AKR1C8: variants seen among roughly 807,000 people sequenced by gnomAD.
AKR1C8 encodes the protein aldo-keto reductase family 1 member C8, also known as aldo-keto reductase family 1 member C-like protein 1.
the AKR1C8 span, among the ~76,000 whole-genome samples, chr10:5,183,484 C>T: frequency 6.6e-6 from 1 of 152,140 alleles, no homozygotes; most frequent in African/African-American, 2.4e-5. Context: ...ATTATTTCTT[C>T]TCACATAAAA....
chr10:5,162,740 C>A, the AKR1C8 span: 10 of 369,558 alleles, frequency 2.7e-5, no homozygotes, highest in Non-Finnish European at 3.9e-5. Flanking sequence ...TATAATATGC[C>A]TTCATAATAT....
chr10:5,140,536 C>A, the AKR1C8 span, among the ~76,000 whole-genome samples: 1,983 of 151,898 alleles, frequency 0.013, 51 homozygotes, highest in African/African-American at 0.046. Flanking sequence ...TCTGAGCAAA[C>A]AATCTCAAGG....
chr10:5,115,865 G>T, the AKR1C8 span, among the ~76,000 whole-genome samples: 1 of 152,038 alleles, frequency 6.6e-6, no homozygotes, highest in African/African-American at 2.4e-5. Context: ...TTTAACAAAA[G>T]GAGGAAATAC....
At chr10:5,162,923 ACCT>A in the AKR1C8 span, 2 of 534,608 alleles carry the variant, frequency 3.7e-6, no homozygotes, top group South Asian at 1.4e-5. Flanking sequence ...GGCCTGTCCA[ACCT>A]CCTCCTCATT....
At chr10:5,184,141 G>T in the AKR1C8 span, among the ~76,000 whole-genome samples, 1 of 152,124 alleles carries the variant, frequency 6.6e-6, no homozygotes, top group Admixed American at 6.5e-5. Context: ...CCCAGACCAA[G>T]GTCCCAGGAC....
the AKR1C8 span, among the ~76,000 whole-genome samples, chr10:5,151,557 GTTTT>G: frequency 2.3e-5 from 3 of 132,660 alleles, no homozygotes; most frequent in South Asian, 2.4e-4. Context: ...TTCCCTTTGG[GTTTT>G]TTTTTTTTTT....
chr10:5,154,134 T>C, the AKR1C8 span: 1 of 469,660 alleles, frequency 2.1e-6, no homozygotes, highest in African/African-American at 2.0e-5. Context: ...GTTCAATAGC[T>C]CATGGTCAAT....
the AKR1C8 span, among the ~76,000 whole-genome samples, chr10:5,143,045 G>C: frequency 6.6e-6 from 1 of 152,078 alleles, no homozygotes; most frequent in African/African-American, 2.4e-5. Context: ...GTGCCAACTG[G>C]ATTGGATTAA....
the AKR1C8 span, among the ~76,000 whole-genome samples, chr10:5,183,843 A>G: frequency 8.2e-4 from 125 of 152,152 alleles, 1 homozygote; most frequent in Admixed American, 8.1e-3. Context: ...CAACATCAAA[A>G]TGCCTTTGTC....
the AKR1C8 span, among the ~76,000 whole-genome samples, chr10:5,183,379 C>G: frequency 6.6e-6 from 1 of 152,072 alleles, no homozygotes; most frequent in African/African-American, 2.4e-5. Flanking sequence ...ATAACTATAA[C>G]TACCAATTAT....
the AKR1C8 span, among the ~76,000 whole-genome samples, chr10:5,168,633 C>G: frequency 6.6e-6 from 1 of 152,098 alleles, no homozygotes; most frequent in African/African-American, 2.4e-5. Context: ...AAACCAAACC[C>G]TAACTACTAC....
the AKR1C8 span, among the ~76,000 whole-genome samples, chr10:5,179,482 C>G: frequency 1.3e-5 from 2 of 151,954 alleles, no homozygotes; most frequent in Non-Finnish European, 2.9e-5. Flanking sequence ...TCAAGGAGTA[C>G]CTTTGTGGCA....
the AKR1C8 span, chr10:5,185,000 G>A: frequency 1.9e-6 from 1 of 534,426 alleles, no homozygotes; most frequent in East Asian, 5.5e-5. Flanking sequence ...CAGCCTCCTG[G>A]GGTCCACTTA....
the AKR1C8 span, among the ~76,000 whole-genome samples, chr10:5,134,595 G>T: frequency 4.6e-5 from 7 of 151,984 alleles, no homozygotes; most frequent in Non-Finnish European, 1.0e-4. Flanking sequence ...AATTTTCCTA[G>T]AGGTGAAAGT....
chr10:5,184,074 C>A, the AKR1C8 span, among the ~76,000 whole-genome samples: 1 of 152,152 alleles, frequency 6.6e-6, no homozygotes, highest in African/African-American at 2.4e-5. Context: ...CATTCAGCAT[C>A]TGACTGCTCC....
At chr10:5,143,936 G>A in the AKR1C8 span, among the ~76,000 whole-genome samples, 2 of 151,844 alleles carry the variant, frequency 1.3e-5, no homozygotes, top group Non-Finnish European at 2.9e-5. Context: ...AATACAGAAA[G>A]TGCTAATAGT....
the AKR1C8 span, among the ~76,000 whole-genome samples, chr10:5,146,975 C>T: frequency 0.032 from 4,943 of 152,124 alleles, 272 homozygotes; most frequent in African/African-American, 0.11. Context: ...AAGGCATACC[C>T]GAAGGTGAGT....
the AKR1C8 span, among the ~76,000 whole-genome samples, chr10:5,123,085 C>T: frequency 2.0e-5 from 3 of 152,276 alleles, no homozygotes; most frequent in African/African-American, 7.2e-5. Flanking sequence ...TGGTTCCATC[C>T]TAATTCTCTC....
chr10:5,143,646 A>T, the AKR1C8 span, among the ~76,000 whole-genome samples: 1 of 150,522 alleles, frequency 6.6e-6, no homozygotes, highest in Non-Finnish European at 1.5e-5. Context: ...ACACATATAC[A>T]TGTATATATA....
Sources: allele counts gnomAD v4.1 joint callset (sites outside exome capture counted in the v4.1 genomes callset), GRCh38; gene constraint gnomAD v4.1.1; transcripts MANE v1.5; gene names NCBI Gene and HGNC (gene_info 2026-07-23, HGNC 2026-07-21).